TRIP12: variants seen among roughly 807,000 people sequenced by gnomAD.
TRIP12 encodes E3 ubiquitin-protein ligase TRIP12.
In TRIP12, 25 loss-of-function variants were observed where a neutral mutation model predicts 244.2. That is an observed-to-expected ratio of 0.10 (90% confidence interval 0.07 to 0.14). TRIP12 has a LOEUF of 0.14. TRIP12 is among the 10% of genes least tolerant of loss of function. The probability of loss-of-function intolerance (pLI) is 1.00; values close to 1 mark genes in which losing one functional copy is unlikely to be tolerated. For synonymous variants in TRIP12, 905 were observed against 873.1 expected (o/e 1.04, Z -0.64); for missense variants, 1,677 against 2,486.4 (o/e 0.67, Z 6.92).
chr2:229,912,261 T>C (rs751822806), intron 1 of TRIP12, among the ~76,000 whole-genome samples: 2 of 152,218 alleles, frequency 1.3e-5, no homozygotes, highest in African/African-American at 4.8e-5. Flanking sequence ...AACTTTTATA[T>C]GTAGTATCAG....
intron 33 of TRIP12, among the ~76,000 whole-genome samples, chr2:229,786,564 A>ATTTTTTTTTTTTTTTTTTT (rs34969936): frequency 1.3e-5 from 1 of 78,008 alleles, no homozygotes; most frequent in Non-Finnish European, 2.3e-5. Flanking sequence ...CGCCCAGATA[A>ATTTTTTTTTTTTTTTTTTT]TTTTTTTTTT....
At chr2:229,832,010 T>A (rs541487152) in intron 6 of TRIP12, among the ~76,000 whole-genome samples, 1 of 152,172 alleles carries the variant, frequency 6.6e-6, no homozygotes, top group East Asian at 1.9e-4. Context: ...GTCATAATTG[T>A]TAAAGAGGCA....
intron 4 of TRIP12, among the ~76,000 whole-genome samples, chr2:229,854,101 T>C (rs1195837242): frequency 1.3e-5 from 2 of 152,200 alleles, no homozygotes; most frequent in Non-Finnish European, 2.9e-5. Context: ...TATATGGATA[T>C]ATTGCTTAGT....
At chr2:229,819,900 T>A (rs1333262251) in intron 8 of TRIP12, among the ~76,000 whole-genome samples, 25 of 152,228 alleles carry the variant, frequency 1.6e-4, no homozygotes, top group Non-Finnish European at 2.9e-5. Context: ...GGAAGTTGTT[T>A]TATGGTTTAA....
At chr2:229,775,091 G>A (rs932753973) in intron 37 of TRIP12, among the ~76,000 whole-genome samples, 19 of 152,092 alleles carry the variant, frequency 1.2e-4, no homozygotes, top group African/African-American at 4.3e-4. Flanking sequence ...AATTCCTATA[G>A]GGTAACAATT....
intron 26 of TRIP12, 155 bp from the exon 27 acceptor site, chr2:229,793,300 T>G: frequency 1.4e-6 from 1 of 726,822 alleles, no homozygotes; most frequent in Admixed American, 3.4e-5. Context: ...AAGCCAATAA[T>G]TCAAGTTATT....
At chr2:229,917,097 C>T (rs577879331) in intron 1 of TRIP12, among the ~76,000 whole-genome samples, 247 of 152,164 alleles carry the variant, frequency 1.6e-3, no homozygotes, top group African/African-American at 5.2e-3. Flanking sequence ...TTACCAAGCA[C>T]TGGCCGGGCG....
chr2:229,802,644 T>A (rs1436531103), intron 20 of TRIP12, among the ~76,000 whole-genome samples, 185 bp from the exon 21 acceptor site: 1 of 152,116 alleles, frequency 6.6e-6, no homozygotes, highest in Non-Finnish European at 1.5e-5. Context: ...GAAAAAAATA[T>A]AAAAACTAAA....
intron 39 of TRIP12, among the ~76,000 whole-genome samples, chr2:229,770,145 T>A: frequency 6.6e-6 from 1 of 152,182 alleles, no homozygotes; most frequent in East Asian, 1.9e-4. Context: ...TAATTATTTT[T>A]TTTATTTTAG....
intron 26 of TRIP12, 60 bp from the exon 27 acceptor site, chr2:229,793,205 T>C: frequency 6.6e-7 from 1 of 1,518,400 alleles, no homozygotes; most frequent in Non-Finnish European, 8.9e-7. Context: ...TATACATTAA[T>C]TCAAATAAAG....
Position 229,918,741 on chromosome 2 carries a change from T to C in TRIP12, c.-50+3139A>G, listed in dbSNP as rs532246176. 2.0e-5 allele frequency among the ~76,000 whole-genome samples: 3 copies of C among 152,354 alleles called. No homozygotes were observed. The South Asian group carries it at 6.2e-4, about 32-fold the overall frequency. ...TATGAAGTTCTATAACTCTGTACCT[T>C]CAACCTAGTTTACATTAATTCTCCC... On this transcript the variant is annotated intron_variant, in intron 1 of 41. Coordinates refer to ENST00000675903, the MANE Select transcript of TRIP12 (RefSeq NM_001348323.3).
Position 229,767,370 on chromosome 2 carries a change from G to T in TRIP12, c.*184C>A. On this transcript the variant is annotated 3_prime_UTR_variant, in exon 42 of 42. Transcript: ENST00000675903. The stretch of plus-strand genomic sequence containing the variant: ...TCATCACAACAACGTTTTAGGGCCT[G>T]ATCACTTTAAGTCCATGGGGCCATT... 1 of 527,358 alleles carries T rather than the reference G, an allele frequency of 1.9e-6. No homozygotes were observed. 32.7% of individuals were successfully genotyped at this position (527,358 alleles called of 1,614,324 possible). A position where few individuals can be genotyped will look rare whatever the true frequency, so the allele number is the denominator to read the frequency against.
intron 37 of TRIP12, among the ~76,000 whole-genome samples, chr2:229,775,589 A>G (rs1246075252): frequency 6.6e-6 from 1 of 151,154 alleles, no homozygotes; most frequent in East Asian, 2.0e-4. Flanking sequence ...GGAATCTAGA[A>G]TTTACAATGT....
At chr2:229,775,625 C>A (rs1213129560) in intron 37 of TRIP12, among the ~76,000 whole-genome samples, 3 of 150,710 alleles carry the variant, frequency 2.0e-5, no homozygotes, top group East Asian at 4.0e-4. Flanking sequence ...AAGGAATTTA[C>A]ATTAGTTTCT....
intron 21 of TRIP12, 54 bp downstream of exon 21, chr2:229,802,198 C>T: frequency 7.0e-7 from 1 of 1,435,196 alleles, no homozygotes; most frequent in Non-Finnish European, 9.4e-7. Flanking sequence ...TTCTTAGGTA[C>T]CAAAGCAGCG....
At chr2:229,884,279 C>G (rs1350337534) in intron 1 of TRIP12, among the ~76,000 whole-genome samples, 1 of 146,840 alleles carries the variant, frequency 6.8e-6, no homozygotes, top group Non-Finnish European at 1.5e-5. Context: ...CTCTGTTGCC[C>G]TGGCTGGAGT....
At chr2:229,817,540 C>A (rs891780613) in intron 9 of TRIP12, among the ~76,000 whole-genome samples, 2 of 152,152 alleles carry the variant, frequency 1.3e-5, no homozygotes, top group Non-Finnish European at 2.9e-5. Context: ...TATCAACTCA[C>A]AACTGTGTTG....
chr2:229,834,092 G>C (rs1646246687), intron 6 of TRIP12, among the ~76,000 whole-genome samples: 1 of 152,208 alleles, frequency 6.6e-6, no homozygotes, highest in South Asian at 2.1e-4. Flanking sequence ...TCCAATGCCA[G>C]ATTTTCAACA....
At chr2:229,805,680 C>G (rs201340002) in intron 18 of TRIP12, 50 bp downstream of exon 18, 11 of 1,415,808 alleles carry the variant, frequency 7.8e-6, no homozygotes, top group Non-Finnish European at 1.0e-5. Flanking sequence ...TATGCAAACA[C>G]AAAATATTGC....
Sources: gnomAD v4.1 joint callset for allele counts (sites outside exome capture counted in the v4.1 genomes callset) on GRCh38, gnomAD v4.1.1 for gene constraint, MANE v1.5 for transcripts, NCBI Gene and HGNC (gene_info 2026-07-23, HGNC 2026-07-21) for gene names.